The following CD163L1 variants were observed in gnomAD, a reference collection of about 807,000 sequenced individuals.
The protein encoded by CD163L1 is CD163 molecule like 1.
A neutral mutation model predicts 165.4 loss-of-function variants in CD163L1; 124 were observed. The ratio of observed to expected loss-of-function variants is 0.75; its 90% CI spans 0.65 to 0.87. The LOEUF is 0.87. Ranked by LOEUF, CD163L1 falls within the 40% of genes least tolerant of loss-of-function variation. The pLI, the probability that CD163L1 is intolerant of heterozygous loss-of-function variation, is 0.00. For missense variants in CD163L1, 1,525 were observed against 1,799.9 expected (o/e 0.85, Z 2.76); for synonymous variants, 585 against 662.2 (o/e 0.88, Z 1.79).
chr12:7,352,016 G>A (rs1946709380), downstream of CD163L1, among the ~76,000 whole-genome samples: 1 of 152,212 alleles, frequency 6.6e-6, no homozygotes, highest in Non-Finnish European at 1.5e-5. Context: ...AGAAGAAAAA[G>A]CTCTTACTGA....
chr12:7,422,749 ATATG>A (rs1208417779), intron 4 of CD163L1, among the ~76,000 whole-genome samples: 2 of 67,390 alleles, frequency 3.0e-5, no homozygotes, highest in Non-Finnish European at 4.3e-5. Flanking sequence ...ATATATATAC[ATATG>A]TGTGTGTGTG....
chr12:7,398,661 TCACGACTATA>T lies in CD163L1; in HGVS notation c.1409-87_1409-78del. 3.1e-6 allele frequency: 4 copies of T among 1,288,112 alleles called. No individual in the cohort carries two copies. Among genetic ancestry groups the T allele is most frequent in the Non-Finnish European group, 4.2e-6 (4 of 941,592 alleles). 79.8% of individuals were successfully genotyped at this position (1,288,112 alleles called of 1,614,324 possible). A position where few individuals can be genotyped will look rare whatever the true frequency, so the allele number is the denominator to read the frequency against. ...AGAAGACTGAAAAGACTCTCTAAAT[TCACGACTATA>T]AGGCTTTGCCTAACAGGTGATATAT... On this transcript the variant is annotated intron_variant, in intron 6 of 19. Coordinates refer to ENST00000313599, the MANE Select transcript of CD163L1 (RefSeq NM_174941.6). The surrounding 1 kb of genome is among the most constrained non-coding windows in gnomAD (Gnocchi z 4.5).
At chr12:7,437,823 T>C (rs1319944238) in intron 2 of CD163L1, among the ~76,000 whole-genome samples, 1 of 151,658 alleles carries the variant, frequency 6.6e-6, no homozygotes, top group African/African-American at 2.4e-5. Context: ...CAGTCAACCA[T>C]ATAATAATTC....
the CD163L1 span, chr12:7,328,554 C>G: frequency 2.7e-6 from 1 of 370,536 alleles, no homozygotes; most frequent in Non-Finnish European, 4.9e-6. Context: ...GCCTCAAAAA[C>G]GTATGGATGA....
the CD163L1 span, chr12:7,322,385 C>T: frequency 1.9e-6 from 3 of 1,612,554 alleles, no homozygotes; most frequent in South Asian, 3.3e-5. Context: ...TCAGGTTCCT[C>T]TTGAAAAGAC....
chr12:7,372,264 G>C lies in CD163L1; in HGVS notation c.3730+1056C>G, dbSNP rs761335082. ...TAAAATCAATGCTCTCATATACTGG[G>C]GATAAGAATGAAAACTAATACATAG... On this transcript the variant is annotated intron_variant, in intron 14 of 19. Transcript: ENST00000313599. The surrounding 1 kb of genome is among the most constrained non-coding windows in gnomAD (Gnocchi z 4.2). Among the ~76,000 whole-genome samples the C allele has an allele frequency of 1.6e-4, 25 of 151,868 alleles. No homozygotes were observed. The highest frequency in any genetic ancestry group is 6.2e-4 in the South Asian group (3 of 4,818).
chr12:7,374,892 G>C lies in CD163L1; in HGVS notation c.3033C>G (p.Leu1011=). 6.2e-7 allele frequency: 1 copy of C among 1,614,110 alleles called. No homozygotes were observed. The highest frequency in any genetic ancestry group is 8.5e-7 in the Non-Finnish European group (1 of 1,179,966). Residue 1011 remains leucine (L), a synonymous_variant, in exon 12 of 20, where the codon CTC becomes CTG. Transcript: ENST00000313599. This position sits in a 1 kb window ranked among gnomAD's most constrained non-coding sequence, Gnocchi z 5.4. ...ACAAATATGGGTCAGATACATTTGC[G>C]AGGCATGGAAACAGTGGCTGGGTCA... The part of the protein sequence containing the change: ...GSLTQPLFPC[L]ANVSDPYLSA...
At chr12:7,367,371 T>A (rs779407437) in intron 17 of CD163L1, 40 bp from the exon 18 acceptor site, 1 of 1,366,622 alleles carries the variant, frequency 7.3e-7, no homozygotes, top group African/African-American at 1.4e-5. Context: ...CAAATTCAAA[T>A]GGCCTATCCC....
At chr12:7,418,990 A>G (rs767945278) in intron 4 of CD163L1, among the ~76,000 whole-genome samples, 3 of 152,098 alleles carry the variant, frequency 2.0e-5, no homozygotes, top group Non-Finnish European at 4.4e-5. Flanking sequence ...ACTATTCCAC[A>G]AGATTCAGAG....
intron 18 of CD163L1, among the ~76,000 whole-genome samples, chr12:7,363,789 A>AT (rs1946955331): frequency 2.0e-4 from 4 of 19,694 alleles, no homozygotes; most frequent in Non-Finnish European, 5.6e-4. Context: ...AATAATAATA[A>AT]GAAAAAAAAA....
intron 5 of CD163L1, among the ~76,000 whole-genome samples, chr12:7,405,558 G>A (rs1183627050): frequency 6.6e-6 from 1 of 152,100 alleles, no homozygotes; most frequent in Non-Finnish European, 1.5e-5. Context: ...AAATCCCGTG[G>A]CTAAGGTACA....
At chr12:7,357,008 T>G (rs902857604) in intron 19 of CD163L1, among the ~76,000 whole-genome samples, 1 of 152,272 alleles carries the variant, frequency 6.6e-6, no homozygotes, top group South Asian at 2.1e-4. Flanking sequence ...GAATCTAGTC[T>G]GTACTTAAGA....
chr12:7,407,576 T>G (rs1948051492), intron 4 of CD163L1, among the ~76,000 whole-genome samples: 1 of 151,238 alleles, frequency 6.6e-6, no homozygotes, highest in Non-Finnish European at 1.5e-5. Flanking sequence ...ATGTATCATA[T>G]GTAGTGGTCA....
At position 7,369,602 on chromosome 12, in the gene CD163L1, C is replaced by G. The variant is rs748035021; in HGVS notation, c.3794G>C (p.Gly1265Ala). ...CSGRVEIWHAGSWGTVCDDSW... is the reference protein window; with the variant it reads ...CSGRVEIWHAASWGTVCDDSW... ...GTCATCACACACTGTGCCCCAGGAG[C>G]CTGCGTGCCAGATCTCCACTCTCCC... Residue 1265 changes from glycine (G) to alanine (A), a missense_variant, in exon 15 of 20, where the codon GGC (glycine) becomes GCC (alanine). Physicochemically the swap from Gly to Ala is moderately conservative, Grantham distance 60. Transcript: ENST00000313599. This position sits in a 1 kb window ranked among gnomAD's most constrained non-coding sequence, Gnocchi z 4.9. The G allele has an allele frequency of 6.2e-7, 1 of 1,613,990 alleles. No homozygotes were observed. Among genetic ancestry groups the G allele is most frequent in the South Asian group, 1.1e-5 (1 of 91,060 alleles).
chr12:7,390,755 T>C (rs1408881250), intron 8 of CD163L1, among the ~76,000 whole-genome samples: 14 of 152,184 alleles, frequency 9.2e-5, no homozygotes, highest in Non-Finnish European at 1.9e-4. Context: ...AAAGAATGTA[T>C]AGACTAAGGA....
intron 2 of CD163L1, chr12:7,439,753 C>T (rs933836399): frequency 3.7e-6 from 6 of 1,612,342 alleles, no homozygotes; most frequent in African/African-American, 1.3e-5. Flanking sequence ...GCCTTTCCAG[C>T]GAACTTTGTA....
chr12:7,419,379 T>C (rs1565807523), intron 4 of CD163L1, among the ~76,000 whole-genome samples: 1 of 152,130 alleles, frequency 6.6e-6, no homozygotes, highest in Non-Finnish European at 1.5e-5. Context: ...AAGCCATCTA[T>C]GGCAAACCCA....
rs1278198560 is a variant in CD163L1 at position 7,368,785 on chromosome 12, G to GAGCT, written c.4072+144_4072+147dup. On this transcript the variant is annotated intron_variant, in intron 16 of 19. Transcript: ENST00000313599. This position sits in a 1 kb window ranked among gnomAD's most constrained non-coding sequence, Gnocchi z 4.3. ...AGGACTGCATAGCAAAGCAGTCACA[G>GAGCT]AGCTATTGATACCACTGGCTGCGAC... 1 of 803,310 alleles carries GAGCT rather than the reference G, an allele frequency of 1.2e-6. No individual in the cohort carries two copies. The highest frequency in any genetic ancestry group is 2.1e-6 in the Non-Finnish European group (1 of 476,524). 49.8% of individuals were successfully genotyped at this position (803,310 alleles called of 1,614,324 possible).
chr12:7,382,758 G>A (rs11053562), intron 8 of CD163L1, among the ~76,000 whole-genome samples: 12,593 of 152,156 alleles, frequency 0.083, 577 homozygotes, highest in African/African-American at 0.13. Flanking sequence ...CATTTTGAGA[G>A]TCCAGCTCCC....
Sources: allele counts gnomAD v4.1 joint callset (sites outside exome capture counted in the v4.1 genomes callset), GRCh38; gene constraint gnomAD v4.1.1; non-coding constraint Gnocchi (gnomAD v3.1); transcripts MANE v1.5; gene names NCBI Gene and HGNC (gene_info 2026-07-23, HGNC 2026-07-21).